The following RABGAP1L variants were observed in gnomAD, a reference collection of about 807,000 sequenced individuals.
RABGAP1L encodes the protein RAB GTPase activating protein 1 like, also known as rab GTPase-activating protein 1-like.
A neutral mutation model predicts 137.7 loss-of-function variants in RABGAP1L; 63 were observed. The ratio of observed to expected loss-of-function variants is 0.46; its 90% CI spans 0.37 to 0.56. The LOEUF is 0.56. Among genes scored for constraint, RABGAP1L ranks in the 20% least tolerant of loss-of-function variants. RABGAP1L has a pLI of 0.00. For synonymous variants in RABGAP1L, 431 were observed against 433.7 expected (o/e 0.99, Z 0.08); for missense variants, 1,095 against 1,244.0 (o/e 0.88, Z 1.80).
chr1:174,193,133 A>G (rs538313625), intron 1 of RABGAP1L, among the ~76,000 whole-genome samples: 8 of 152,202 alleles, frequency 5.3e-5, no homozygotes, highest in Non-Finnish European at 1.0e-4. Context: ...TAAAAGGATA[A>G]CTGTTATCCT....
At chr1:174,629,986 A>G (rs1318632970) in intron 13 of RABGAP1L, among the ~76,000 whole-genome samples, 1 of 151,734 alleles carries the variant, frequency 6.6e-6, no homozygotes, top group African/African-American at 2.4e-5. Context: ...TTCAAAGGGA[A>G]TGCTTCCAGT....
chr1:174,348,444 A>T (rs1209430746), intron 11 of RABGAP1L, among the ~76,000 whole-genome samples: 1 of 149,102 alleles, frequency 6.7e-6, no homozygotes, highest in Non-Finnish European at 1.5e-5. Flanking sequence ...TTTATTTTTT[A>T]TTTATTTATT....
chr1:174,694,420 G>A (rs1395623992), intron 15 of RABGAP1L, among the ~76,000 whole-genome samples: 24 of 143,262 alleles, frequency 1.7e-4, no homozygotes, highest in South Asian at 4.4e-4. Context: ...TCATTGTTCA[G>A]TTCCCACCTA....
At chr1:174,350,072 C>A (rs1682969525) in intron 11 of RABGAP1L, among the ~76,000 whole-genome samples, 1 of 136,788 alleles carries the variant, frequency 7.3e-6, no homozygotes, top group African/African-American at 2.7e-5. Context: ...GACGGGGCGG[C>A]TGGCTGGGCG....
At position 174,590,018 on chromosome 1, in the gene RABGAP1L, C is replaced by T. The variant is rs76152799; in HGVS notation, c.1711-47357C>T. 1.2e-3 allele frequency among the ~76,000 whole-genome samples: 177 copies of T among 151,580 alleles called. 3 individuals carry two copies. The East Asian group carries it at 0.031, about 27-fold the overall frequency. ...GAAGAATGAGATTGATACTTTGATT[C>T]GGATTACACTGAATCTGCACATTGC... On this transcript the variant is annotated intron_variant, in intron 13 of 25. Coordinates refer to ENST00000681986, the MANE Select transcript of RABGAP1L (RefSeq NM_001366446.1).
chr1:174,620,034 G>A (rs937331614), intron 13 of RABGAP1L, among the ~76,000 whole-genome samples: 1 of 152,078 alleles, frequency 6.6e-6, no homozygotes, highest in Non-Finnish European at 1.5e-5. Context: ...GATCAAAAGA[G>A]ACAAAGAAGG....
At chr1:174,723,032 G>A (rs1341152215) in intron 17 of RABGAP1L, among the ~76,000 whole-genome samples, 1 of 152,068 alleles carries the variant, frequency 6.6e-6, no homozygotes, top group Non-Finnish European at 1.5e-5. Context: ...AAATAAGATA[G>A]ACAGACTCTT....
chr1:174,271,080 T>C (rs1674521877), intron 7 of RABGAP1L, among the ~76,000 whole-genome samples: 1 of 152,172 alleles, frequency 6.6e-6, no homozygotes, highest in African/African-American at 2.4e-5. Flanking sequence ...AGAGAGATCA[T>C]AGCAGTATAT....
chr1:174,856,216 GA>G (rs989810634), intron 19 of RABGAP1L, among the ~76,000 whole-genome samples: 7 of 152,060 alleles, frequency 4.6e-5, no homozygotes, highest in Admixed American at 6.5e-5. Context: ...CCAAGATGGT[GA>G]AACCCCATCT....
chr1:174,694,335 G>A (rs1223286377), intron 15 of RABGAP1L, among the ~76,000 whole-genome samples: 7 of 151,426 alleles, frequency 4.6e-5, no homozygotes, highest in Admixed American at 6.6e-5. Flanking sequence ...ATCTCCCAAT[G>A]CTAACCCTCC....
At chr1:174,493,235 G>A (rs1572042299) in intron 13 of RABGAP1L, among the ~76,000 whole-genome samples, 1 of 149,990 alleles carries the variant, frequency 6.7e-6, no homozygotes, top group Admixed American at 6.7e-5. Context: ...GTTGGTACAT[G>A]CCTGTAGTCC....
In RABGAP1L at chr1:174,220,971, G is replaced by A; in HGVS notation, c.139-1G>A. 6.2e-7 allele frequency: 1 copy of A among 1,602,782 alleles called. No homozygotes were observed. Among genetic ancestry groups the A allele is most frequent in the Non-Finnish European group, 8.5e-7 (1 of 1,174,152 alleles). ...ACAGAATTGTCTTGCTGTGTCTGTA[G>A]ATAGTTTCTAATGGTGATGAACAAT... On this transcript the variant is annotated splice_acceptor_variant, in intron 2 of 25. Transcript: ENST00000681986. LOFTEE classifies it high-confidence loss of function.
chr1:174,479,077 G>A (rs1013709712), intron 13 of RABGAP1L, among the ~76,000 whole-genome samples: 1 of 152,206 alleles, frequency 6.6e-6, no homozygotes, highest in African/African-American at 2.4e-5. Flanking sequence ...AATAACTGCT[G>A]TTGAACAATG....
intron 1 of RABGAP1L, among the ~76,000 whole-genome samples, chr1:174,217,265 AT>A (rs1200828824): frequency 6.6e-6 from 1 of 152,210 alleles, no homozygotes; most frequent in Non-Finnish European, 1.5e-5. Context: ...GTCATGTTTC[AT>A]TTAAGATACG....
intron 10 of RABGAP1L, among the ~76,000 whole-genome samples, chr1:174,293,667 G>C (rs1676841045): frequency 6.6e-6 from 1 of 152,056 alleles, no homozygotes; most frequent in Non-Finnish European, 1.5e-5. Flanking sequence ...TCACTATATT[G>C]AGCAGGAAAG....
intron 18 of RABGAP1L, among the ~76,000 whole-genome samples, chr1:174,780,116 A>AAATAAATTAATT (rs1489806665): frequency 2.5e-4 from 37 of 145,934 alleles, no homozygotes; most frequent in African/African-American, 9.5e-4. Flanking sequence ...ATAAATAAAT[A>AAATAAATTAATT]AATTAAATAA....
intron 11 of RABGAP1L, among the ~76,000 whole-genome samples, chr1:174,368,923 G>C (rs1441873355): frequency 6.6e-6 from 1 of 152,044 alleles, no homozygotes; most frequent in African/African-American, 2.4e-5. Context: ...ATAATATCTA[G>C]GAATGTTTAT....
In RABGAP1L at chr1:174,965,153, C is replaced by T. The variant is rs968681970; in HGVS notation, c.2434-4124C>T. Among the ~76,000 whole-genome samples, 4 of 152,084 alleles carry T rather than the reference C, an allele frequency of 2.6e-5. No individual in the cohort carries two copies. The East Asian group carries it at 5.8e-4, about 22-fold the overall frequency. ...AGTTGTTATCTGCTTTTTGTTCAAA[C>T]GGTGTCAGTTGTGTGAGATGGGGAG... On this transcript the variant is annotated intron_variant, in intron 20 of 25. Coordinates refer to ENST00000681986, the MANE Select transcript of RABGAP1L (RefSeq NM_001366446.1).
chr1:174,238,258 T>C (rs1160115538), intron 4 of RABGAP1L, among the ~76,000 whole-genome samples: 2 of 152,234 alleles, frequency 1.3e-5, no homozygotes, highest in Non-Finnish European at 2.9e-5. Flanking sequence ...TCTGAAGCCT[T>C]CTTCTCTCAG....
Sources: gnomAD v4.1 joint callset for allele counts (sites outside exome capture counted in the v4.1 genomes callset) on GRCh38, gnomAD v4.1.1 for gene constraint, MANE v1.5 for transcripts, NCBI Gene and HGNC (gene_info 2026-07-23, HGNC 2026-07-21) for gene names.